HAPSTR1: variants seen among roughly 807,000 people sequenced by gnomAD.
HAPSTR1 encodes HUWE1-associated protein modifying stress responses 1.
the HAPSTR1 span, chr16:9,103,611 T>C: frequency 5.0e-5 from 10 of 199,982 alleles, no homozygotes; most frequent in South Asian, 1.7e-4. Context: ...AATTCTGTTA[T>C]ATTTCTAATG....
chr16:9,113,917 A>G, the HAPSTR1 span, among the ~76,000 whole-genome samples: 1 of 152,218 alleles, frequency 6.6e-6, no homozygotes, highest in Admixed American at 6.5e-5. Flanking sequence ...AGAGGTGAAT[A>G]AACATCAACA....
the HAPSTR1 span, chr16:9,120,685 T>C: frequency 6.9e-6 from 1 of 145,454 alleles, no homozygotes; most frequent in African/African-American, 2.6e-5. Context: ...TTTTTTTTTT[T>C]TTTTTTTTTT....
chr16:9,093,921 A>G, the HAPSTR1 span, among the ~76,000 whole-genome samples: 1 of 152,048 alleles, frequency 6.6e-6, no homozygotes, highest in South Asian at 2.1e-4. Flanking sequence ...AAATGTTTTC[A>G]GACTTTTAAA....
the HAPSTR1 span, chr16:9,109,921 T>C: frequency 6.6e-6 from 1 of 152,220 alleles, no homozygotes; most frequent in African/African-American, 2.4e-5. Flanking sequence ...CTTATTGTTA[T>C]TCTGCAGCCT....
the HAPSTR1 span, chr16:9,106,267 A>T: frequency 6.6e-6 from 1 of 151,552 alleles, no homozygotes; most frequent in Non-Finnish European, 1.5e-5. Flanking sequence ...AAAGTAAGGC[A>T]TATCAATTTA....
the HAPSTR1 span, chr16:9,116,649 C>G: frequency 6.2e-7 from 1 of 1,606,614 alleles, no homozygotes; most frequent in Non-Finnish European, 8.5e-7. Context: ...AACTCTAAAA[C>G]CTTTTTTCTT....
the HAPSTR1 span, chr16:9,117,665 G>A: frequency 2.0e-5 from 3 of 152,518 alleles, no homozygotes; most frequent in South Asian, 4.1e-4. Context: ...CTTCCCATGC[G>A]GGGTACTTTC....
chr16:9,111,721 C>T, the HAPSTR1 span: 1 of 152,120 alleles, frequency 6.6e-6, no homozygotes, highest in African/African-American at 2.4e-5. Flanking sequence ...GTTCAATTTT[C>T]TCACTGATTT....
chr16:9,115,265 T>A, the HAPSTR1 span, among the ~76,000 whole-genome samples: 102,681 of 152,116 alleles, frequency 0.68, 36,115 homozygotes, highest in African/African-American at 0.88. Flanking sequence ...TAAACTACAT[T>A]TTTAGGGAGT....
chr16:9,097,406 T>C, the HAPSTR1 span, among the ~76,000 whole-genome samples: 1 of 151,830 alleles, frequency 6.6e-6, no homozygotes, highest in African/African-American at 2.4e-5. Context: ...CATGCCCAGC[T>C]AAGTTTTTGT....
the HAPSTR1 span, chr16:9,105,347 G>C: frequency 6.6e-6 from 1 of 152,070 alleles, no homozygotes; most frequent in African/African-American, 2.4e-5. Context: ...TTACTCTTAG[G>C]GTTCATACCT....
the HAPSTR1 span, chr16:9,108,502 T>TA: frequency 6.6e-6 from 1 of 152,194 alleles, no homozygotes; most frequent in Non-Finnish European, 1.5e-5. Flanking sequence ...TGCATACCCT[T>TA]AACCACTATG....
At chr16:9,104,571 G>C in the HAPSTR1 span, 1 of 152,152 alleles carries the variant, frequency 6.6e-6, no homozygotes, top group Non-Finnish European at 1.5e-5. Context: ...GCAAACCGTA[G>C]TTCTTTCCTG....
chr16:9,101,312 A>G, the HAPSTR1 span, among the ~76,000 whole-genome samples: 2 of 152,234 alleles, frequency 1.3e-5, no homozygotes, highest in African/African-American at 2.4e-5. Context: ...TTGTTTATGA[A>G]GAAGTGAGAA....
At chr16:9,103,369 A>G in the HAPSTR1 span, 9 of 1,158,942 alleles carry the variant, frequency 7.8e-6, no homozygotes, top group Non-Finnish European at 9.5e-6. Flanking sequence ...GTCTTACAGT[A>G]AACAGCTTGC....
At chr16:9,103,147 T>G in the HAPSTR1 span, 1 of 1,614,146 alleles carries the variant, frequency 6.2e-7, no homozygotes, top group Non-Finnish European at 8.5e-7. Flanking sequence ...CACGAAACTC[T>G]AGAGCTCCCC....
chr16:9,100,692 G>A, the HAPSTR1 span, among the ~76,000 whole-genome samples: 1 of 151,990 alleles, frequency 6.6e-6, no homozygotes, highest in South Asian at 2.1e-4. Flanking sequence ...TACCACCCAT[G>A]CCTGGCTAAT....
At chr16:9,102,565 TC>T in the HAPSTR1 span, among the ~76,000 whole-genome samples, 13 of 152,236 alleles carry the variant, frequency 8.5e-5, no homozygotes, top group African/African-American at 2.2e-4. Context: ...TTCAGCTTGT[TC>T]CTCATTCTTG....
chr16:9,115,707 C>T, the HAPSTR1 span, among the ~76,000 whole-genome samples: 12 of 152,110 alleles, frequency 7.9e-5, no homozygotes, highest in African/African-American at 4.8e-5. Context: ...CACCGCCTCC[C>T]GGGTTCAAGC....
Sources: allele counts gnomAD v4.1 joint callset (sites outside exome capture counted in the v4.1 genomes callset), GRCh38; gene constraint gnomAD v4.1.1; transcripts MANE v1.5; gene names NCBI Gene and HGNC (gene_info 2026-07-23, HGNC 2026-07-21).